GPM6A: variants seen among roughly 807,000 people sequenced by gnomAD.
The protein encoded by GPM6A is glycoprotein M6A.
A neutral mutation model predicts 32.1 loss-of-function variants in GPM6A; 7 were observed. The observed-to-expected ratio is 0.22, with a 90% CI of 0.12 to 0.41. The LOEUF is 0.41. GPM6A is among the 10% of genes least tolerant of loss of function. The pLI, the probability that GPM6A is intolerant of heterozygous loss-of-function variation, is 1.00. For synonymous variants in GPM6A, 130 were observed against 123.4 expected (o/e 1.05, Z -0.35); for missense variants, 235 against 347.2 (o/e 0.68, Z 2.57).
At chr4:175,700,957 T>C (rs1579400962) in intron 2 of GPM6A, among the ~76,000 whole-genome samples, 1 of 152,228 alleles carries the variant, frequency 6.6e-6, no homozygotes, top group East Asian at 1.9e-4. Context: ...TAAGTTACTT[T>C]TCTAAAAAAG....
In GPM6A at chr4:175,759,233, C is replaced by G. The variant is rs149661626; in HGVS notation, c.37+52958G>C. Among the ~76,000 whole-genome samples the G allele has an allele frequency of 4.2e-3, 639 of 151,696 alleles. 3 individuals are homozygous for G. The highest frequency in any genetic ancestry group is 6.8e-3 in the Non-Finnish European group (463 of 67,936). ...GGGTTTTTCATAAGTGGTTATCTGCCTCATGATGATGGTTTTGTGATTTTG... is the reference window on the plus strand; with the variant it reads ...GGGTTTTTCATAAGTGGTTATCTGCGTCATGATGATGGTTTTGTGATTTTG... On this transcript the variant is annotated intron_variant, in intron 1 of 6. Transcript: ENST00000393658.
At chr4:175,942,763 C>T (rs1010455658) in intron 1 of GPM6A, among the ~76,000 whole-genome samples, 1 of 152,134 alleles carries the variant, frequency 6.6e-6, no homozygotes, top group Non-Finnish European at 1.5e-5. Flanking sequence ...CAGTACCATG[C>T]TATTTTGGTT....
intron 1 of GPM6A, among the ~76,000 whole-genome samples, chr4:175,907,941 C>A (rs1738183669): frequency 6.6e-6 from 1 of 152,052 alleles, no homozygotes; most frequent in Admixed American, 6.6e-5. Flanking sequence ...CAGCCATAAA[C>A]CTACGATGGG....
chr4:175,649,405 A>G (rs956240448), intron 4 of GPM6A, among the ~76,000 whole-genome samples: 4 of 152,216 alleles, frequency 2.6e-5, no homozygotes, highest in Non-Finnish European at 5.9e-5. Context: ...AGGTCTATTT[A>G]TCTTTTACAA....
chr4:175,757,355 C>G (rs930190596), intron 1 of GPM6A, among the ~76,000 whole-genome samples: 1 of 152,110 alleles, frequency 6.6e-6, no homozygotes, highest in Non-Finnish European at 1.5e-5. Flanking sequence ...CTACAGCCAC[C>G]ATTCACATTT....
At chr4:175,757,594 T>A (rs1388719484) in intron 1 of GPM6A, among the ~76,000 whole-genome samples, 2 of 152,154 alleles carry the variant, frequency 1.3e-5, no homozygotes, top group South Asian at 4.1e-4. Context: ...TCAAAATGAA[T>A]GTTCTCAACA....
chr4:175,985,899 G>A (rs756101106), intron 1 of GPM6A, among the ~76,000 whole-genome samples: 2 of 151,870 alleles, frequency 1.3e-5, no homozygotes, highest in Non-Finnish European at 2.9e-5. Flanking sequence ...TCCATCTCCC[G>A]GTTTTAAGTG....
chr4:175,873,276 A>T (rs1736970218), intron 1 of GPM6A, among the ~76,000 whole-genome samples: 1 of 152,052 alleles, frequency 6.6e-6, no homozygotes, highest in Non-Finnish European at 1.5e-5. Context: ...TTCTAATTTT[A>T]GGTCTAGAAA....
At chr4:175,694,760 A>G (rs1009316993) in intron 2 of GPM6A, among the ~76,000 whole-genome samples, 14 of 152,240 alleles carry the variant, frequency 9.2e-5, no homozygotes, top group Admixed American at 4.6e-4. Flanking sequence ...AGAAATTTAC[A>G]TAAGTAAAAA....
intron 1 of GPM6A, among the ~76,000 whole-genome samples, chr4:176,000,125 C>T (rs1223192696): frequency 6.6e-6 from 1 of 152,116 alleles, no homozygotes; most frequent in Non-Finnish European, 1.5e-5. Flanking sequence ...CTCTATTTCG[C>T]TCACCTCTGG....
At chr4:175,737,515 C>G (rs1386733316) in intron 1 of GPM6A, among the ~76,000 whole-genome samples, 1 of 152,016 alleles carries the variant, frequency 6.6e-6, no homozygotes, top group Non-Finnish European at 1.5e-5. Context: ...GTAATATTTA[C>G]TTTAGATAAT....
chr4:175,754,346 G>A (rs775162293), intron 1 of GPM6A, among the ~76,000 whole-genome samples: 27 of 152,076 alleles, frequency 1.8e-4, no homozygotes, highest in Admixed American at 6.6e-4. Flanking sequence ...GTATTGAAAG[G>A]TGGATGTTTA....
At chr4:175,821,620 T>G (rs955589002) in intron 1 of GPM6A, among the ~76,000 whole-genome samples, 2 of 152,078 alleles carry the variant, frequency 1.3e-5, no homozygotes, top group Non-Finnish European at 2.9e-5. Flanking sequence ...GAACTTTTTT[T>G]CATATATTTT....
intron 1 of GPM6A, among the ~76,000 whole-genome samples, chr4:175,715,829 G>A (rs1745812509): frequency 6.6e-6 from 1 of 152,042 alleles, no homozygotes; most frequent in East Asian, 1.9e-4. Flanking sequence ...ACTTTGGGAG[G>A]CCAAGGCGGG....
At chr4:175,650,288 TTATTTATTTATTTATTTATTTA>T (rs1413311066) in intron 4 of GPM6A, among the ~76,000 whole-genome samples, 1,705 of 68,604 alleles carry the variant, frequency 0.025, 29 homozygotes, top group African/African-American at 0.089. Context: ...ATTTATTTAT[TTATTTATTTATTTATTTATTTA>T]TTTATTTATT....
intron 1 of GPM6A, among the ~76,000 whole-genome samples, chr4:175,986,443 G>A (rs957009798): frequency 7.2e-5 from 11 of 152,038 alleles, no homozygotes; most frequent in South Asian, 4.1e-4. Flanking sequence ...GGCTGAGGCG[G>A]AAGGATTGCT....
In GPM6A at chr4:175,640,210, C is replaced by G; in HGVS notation, c.619-16G>C. The G allele has an allele frequency of 5.6e-6, 9 of 1,607,352 alleles. No homozygotes were observed. Among genetic ancestry groups the G allele is most frequent in the Non-Finnish European group, 7.7e-6 (9 of 1,173,914 alleles). ...TCATGTTCAGCTGCAATGGAAACCA[C>G]AGAGAATCAAAAGGTGTCAGAGTTA... On this transcript the variant is annotated splice_polypyrimidine_tract_variant and intron_variant, in intron 5 of 6. Coordinates refer to ENST00000393658, the MANE Select transcript of GPM6A (RefSeq NM_201591.3).
chr4:175,884,797 G>C (rs1170528248), intron 1 of GPM6A, among the ~76,000 whole-genome samples: 2 of 152,088 alleles, frequency 1.3e-5, no homozygotes, highest in Non-Finnish European at 2.9e-5. Context: ...GCTTCCCAAA[G>C]TGCTGGGATT....
chr4:175,764,844 G>T (rs28712008), intron 1 of GPM6A, among the ~76,000 whole-genome samples: 2,420 of 126,662 alleles, frequency 0.019, 79 homozygotes, highest in African/African-American at 0.067. Flanking sequence ...TCAACCCAAA[G>T]GCATTATTAT....
Sources: allele counts gnomAD v4.1 joint callset (sites outside exome capture counted in the v4.1 genomes callset), GRCh38; gene constraint gnomAD v4.1.1; transcripts MANE v1.5; gene names NCBI Gene and HGNC (gene_info 2026-07-23, HGNC 2026-07-21).